The following PLCXD2 variants were observed in gnomAD, a reference collection of about 807,000 sequenced individuals.
The protein encoded by PLCXD2 is phosphatidylinositol specific phospholipase C X domain containing 2.
Under a neutral mutation model 28.6 loss-of-function variants are expected in PLCXD2, and 21 were observed. The observed-to-expected ratio is 0.73, with a 90% CI of 0.52 to 1.06. The LOEUF is 1.06. Ranked by LOEUF, PLCXD2 falls within the 50% of genes least tolerant of loss-of-function variation. The probability of loss-of-function intolerance (pLI) is 0.00; values close to 1 mark genes in which losing one functional copy is unlikely to be tolerated. For synonymous variants in PLCXD2, 140 were observed against 150.1 expected (o/e 0.93, Z 0.49); for missense variants, 369 against 376.7 (o/e 0.98, Z 0.17).
chr3:111,704,167 G>C lies in PLCXD2; in HGVS notation c.164-3759G>C, dbSNP rs1228481564. Among the ~76,000 whole-genome samples the C allele has an allele frequency of 2.0e-5, 3 of 152,220 alleles. No homozygotes were observed. In the East Asian group the frequency reaches 5.8e-4, roughly 29 times the overall value. ...ATGGAAAATGGATGACAGTGAACTA[G>C]TATGAATACAGGAATTCTGATGGTA... On this transcript the variant is annotated intron_variant, in intron 1 of 4. Coordinates refer to ENST00000477665, the MANE Select transcript of PLCXD2 (RefSeq NM_001185106.1).
intron 1 of PLCXD2, among the ~76,000 whole-genome samples, chr3:111,706,812 CA>C (rs34217304): frequency 0.49 from 56,598 of 114,868 alleles, 11,499 homozygotes; most frequent in African/African-American, 0.62. Context: ...GACTTTAAGG[CA>C]AAAAAAAAAA....
At chr3:111,725,140 G>T in intron 3 of PLCXD2, 1 of 151,670 alleles carries the variant, frequency 6.6e-6, no homozygotes, top group East Asian at 2.0e-4. Flanking sequence ...AAAGAAATCT[G>T]CCAACATGTA....
intron 3 of PLCXD2, among the ~76,000 whole-genome samples, 187 bp from the exon 4 acceptor site, chr3:111,720,536 T>G (rs1366773992): frequency 6.6e-6 from 1 of 152,248 alleles, no homozygotes; most frequent in Non-Finnish European, 1.5e-5. Context: ...TGTAATTTTC[T>G]AATGGAATAG....
At chr3:111,712,536 T>C (rs1273430911) in intron 2 of PLCXD2, among the ~76,000 whole-genome samples, 1 of 152,174 alleles carries the variant, frequency 6.6e-6, no homozygotes, top group Non-Finnish European at 1.5e-5. Flanking sequence ...TAGCAGTCAG[T>C]CAGACATTAC....
chr3:111,701,118 TAATC>T (rs933008941), intron 1 of PLCXD2, among the ~76,000 whole-genome samples: 1 of 152,208 alleles, frequency 6.6e-6, no homozygotes, highest in Non-Finnish European at 1.5e-5. Flanking sequence ...AAGCTTCAGT[TAATC>T]AGCCCTTCAC....
intron 3 of PLCXD2, among the ~76,000 whole-genome samples, chr3:111,716,200 G>C (rs1275319122): frequency 6.6e-6 from 1 of 152,214 alleles, no homozygotes; most frequent in Non-Finnish European, 1.5e-5. Flanking sequence ...GGAAAATATA[G>C]CTCTGGTTGA....
At chr3:111,679,403 A>G (rs1391496410) in intron 1 of PLCXD2, among the ~76,000 whole-genome samples, 1 of 152,148 alleles carries the variant, frequency 6.6e-6, no homozygotes, top group Non-Finnish European at 1.5e-5. Flanking sequence ...TTCTCAACAC[A>G]TTGTTATTTT....
At chr3:111,690,958 G>A (rs1409944410) in intron 1 of PLCXD2, among the ~76,000 whole-genome samples, 3 of 152,104 alleles carry the variant, frequency 2.0e-5, no homozygotes, top group Non-Finnish European at 2.9e-5. Flanking sequence ...AAAGTGAAGG[G>A]CACTGTCACA....
chr3:111,700,007 G>T (rs978128211), intron 1 of PLCXD2, among the ~76,000 whole-genome samples: 5 of 152,144 alleles, frequency 3.3e-5, no homozygotes, highest in African/African-American at 1.2e-4. Context: ...GAGAACTTTT[G>T]GGAAACTATA....
At chr3:111,715,318 C>T (rs918696188) in intron 3 of PLCXD2, among the ~76,000 whole-genome samples, 1 of 152,140 alleles carries the variant, frequency 6.6e-6, no homozygotes, top group South Asian at 2.1e-4. Context: ...TTTCCTCATG[C>T]CTCTGGTATA....
At chr3:111,697,410 A>T (rs931150511) in intron 1 of PLCXD2, among the ~76,000 whole-genome samples, 1 of 152,110 alleles carries the variant, frequency 6.6e-6, no homozygotes, top group Admixed American at 6.5e-5. Flanking sequence ...AAGCATATTG[A>T]GAGAGATGAA....
chr3:111,689,779 A>G lies in PLCXD2; in HGVS notation c.163+14371A>G, dbSNP rs566601811. 2.0e-5 allele frequency among the ~76,000 whole-genome samples: 3 copies of G among 152,338 alleles called. No individual in the cohort carries two copies. In the East Asian group the frequency reaches 5.8e-4, roughly 29 times the overall value. On this transcript the variant is annotated intron_variant, in intron 1 of 4. Transcript: ENST00000477665. ...ATAAAAAACAGATATTTAAAAATCT[A>G]TATTTCTAGTTAAGGAGAAACTAGG...
In PLCXD2 at chr3:111,675,407, A is replaced by G. The variant is rs2107834218; in HGVS notation, c.162A>G (p.Pro54=). 1 of 1,613,958 alleles carries G rather than the reference A, an allele frequency of 6.2e-7. No individual in the cohort carries two copies. Among genetic ancestry groups the G allele is most frequent in the Non-Finnish European group, 8.5e-7 (1 of 1,179,946 alleles). ...TCCCCCTTTCCAATCTGGCAATCCC[A>G]GGTATTCGTCTATTCCTACTTGTTC... is the stretch of plus-strand genomic sequence containing the variant. Residue 54 remains proline, a splice_region_variant and synonymous_variant, in exon 1 of 5, where the codon CCA becomes CCG. Coordinates refer to ENST00000477665, the MANE Select transcript of PLCXD2 (RefSeq NM_001185106.1).
chr3:111,685,636 A>G (rs565709734), intron 1 of PLCXD2, among the ~76,000 whole-genome samples: 1 of 152,326 alleles, frequency 6.6e-6, no homozygotes, highest in African/African-American at 2.4e-5. Flanking sequence ...GTGTGTTTAC[A>G]AAAAGGTTGT....
At chr3:111,677,232 T>C (rs1940636837) in intron 1 of PLCXD2, 1 of 152,122 alleles carries the variant, frequency 6.6e-6, no homozygotes, top group South Asian at 2.1e-4. Flanking sequence ...GAAGGGACAT[T>C]AAGTGTATGT....
At chr3:111,694,543 A>G (rs1434882955) in intron 1 of PLCXD2, among the ~76,000 whole-genome samples, 1 of 151,858 alleles carries the variant, frequency 6.6e-6, no homozygotes, top group Non-Finnish European at 1.5e-5. Context: ...CTGGCACCAA[A>G]TTTGCAGTTT....
chr3:111,685,920 C>A (rs960203046), intron 1 of PLCXD2, among the ~76,000 whole-genome samples: 1 of 152,182 alleles, frequency 6.6e-6, no homozygotes, highest in Admixed American at 6.5e-5. Context: ...AATGCTCCCC[C>A]CCACAACATG....
chr3:111,685,691 A>G (rs1458067477), intron 1 of PLCXD2, among the ~76,000 whole-genome samples: 1 of 152,184 alleles, frequency 6.6e-6, no homozygotes, highest in Non-Finnish European at 1.5e-5. Context: ...CTTATTAGGG[A>G]ATGACCAAGT....
At chr3:111,694,709 G>C (rs1940936815) in intron 1 of PLCXD2, among the ~76,000 whole-genome samples, 1 of 152,196 alleles carries the variant, frequency 6.6e-6, no homozygotes, top group Admixed American at 6.5e-5. Flanking sequence ...AAGTGAGCTG[G>C]TGACAGCCTC....
Sources: allele counts gnomAD v4.1 joint callset (sites outside exome capture counted in the v4.1 genomes callset), GRCh38; gene constraint gnomAD v4.1.1; transcripts MANE v1.5; gene names NCBI Gene and HGNC (gene_info 2026-07-23, HGNC 2026-07-21).